Variants in CCDC144A observed in about 807,000 individuals in gnomAD.
CCDC144A encodes coiled-coil domain-containing protein 144A.
CCDC144A carries 41 observed loss-of-function variants against 143.8 expected under a neutral mutation model. The ratio of observed to expected loss-of-function variants is 0.29; its 90% CI spans 0.22 to 0.37. The LOEUF is 0.37. Ranked by LOEUF, CCDC144A falls within the 10% of genes least tolerant of loss-of-function variation. The pLI is 1.00. For synonymous variants in CCDC144A, 242 were observed against 517.9 expected, an observed-to-expected ratio of 0.47 and a Z score of 7.23; for missense variants, 637 against 1,488.8, an observed-to-expected ratio of 0.43 and a Z score of 9.41.
intron 12 of CCDC144A, among the ~76,000 whole-genome samples, chr17:16,756,803 G>T (rs1176463791): frequency 6.6e-6 from 1 of 151,910 alleles, no homozygotes; most frequent in Non-Finnish European, 1.5e-5. Flanking sequence ...TATCTATGTT[G>T]TTGGTTGAAT....
In CCDC144A at chr17:16,726,402, TA is replaced by T. The variant is rs201722672; in HGVS notation, c.1892-1115del. Among the ~76,000 whole-genome samples the T allele has an allele frequency of 4.8e-3, 670 of 138,576 alleles. 22 individuals carry two copies. The highest frequency in any genetic ancestry group is 0.014 in the African/African-American group (485 of 34,282). The allele number at this position is 138,576 out of a possible 152,430, so 90.9% of individuals were successfully genotyped here. ...TCTCAAAAAAAAAAAAAAAGAGAGA[TA>T]AAAAAAAAAGAAAAATCTTCCATGC... On this transcript the variant is annotated intron_variant, in intron 8 of 16. Transcript: ENST00000399273.
chr17:16,722,225 T>A (rs548261041), intron 8 of CCDC144A, among the ~76,000 whole-genome samples: 1 of 152,308 alleles, frequency 6.6e-6, no homozygotes, highest in East Asian at 1.9e-4. Context: ...TTTTTTAATG[T>A]GGTGAATACT....
In CCDC144A at chr17:16,773,757, G is replaced by A. The variant is rs1449291853; in HGVS notation, c.*124G>A. 11 of 1,199,984 alleles carry A rather than the reference G, an allele frequency of 9.2e-6. No homozygotes were observed. Among genetic ancestry groups the A allele is most frequent in the South Asian group, 6.8e-5 (3 of 44,094 alleles). The allele number at this position is 1,199,984 out of a possible 1,614,324, so 74.3% of individuals were successfully genotyped here. ...TACATGTCTGATGAAAATTTATATAGTATTTTAAATAATGTTTCTTGGCCT... is the reference window on the plus strand; with the variant it reads ...TACATGTCTGATGAAAATTTATATAATATTTTAAATAATGTTTCTTGGCCT... On this transcript the variant is annotated 3_prime_UTR_variant, in exon 17 of 17. Transcript: ENST00000399273.
chr17:16,670,065 C>A, the CCDC144A span, among the ~76,000 whole-genome samples: 1 of 151,700 alleles, frequency 6.6e-6, no homozygotes, highest in South Asian at 2.1e-4. Context: ...CCTGTAATCC[C>A]AGCTACTCTG....
chr17:16,761,341 A>G, intron 12 of CCDC144A, 84 bp from the exon 13 acceptor site: 1 of 1,497,650 alleles, frequency 6.7e-7, no homozygotes, highest in South Asian at 1.3e-5. Context: ...CTCAAAAAAA[A>G]AAAAAAAAAA....
intron 8 of CCDC144A, among the ~76,000 whole-genome samples, 198 bp downstream of exon 8, chr17:16,720,856 GTC>G (rs1356142893): frequency 6.6e-6 from 1 of 152,112 alleles, no homozygotes; most frequent in Non-Finnish European, 1.5e-5. Context: ...GGCATTCCCA[GTC>G]TTTTTGTTGA....
At chr17:16,719,566 A>G (rs1912968618) in intron 6 of CCDC144A, among the ~76,000 whole-genome samples, 1 of 152,210 alleles carries the variant, frequency 6.6e-6, no homozygotes, top group Admixed American at 6.5e-5. Flanking sequence ...TGGGTCTGCT[A>G]CTGACCAGCT....
intron 6 of CCDC144A, 127 bp from the exon 7 acceptor site, chr17:16,720,071 C>T: frequency 1.6e-6 from 2 of 1,231,006 alleles, no homozygotes; most frequent in Non-Finnish European, 2.2e-6. Context: ...AAAAAAATTA[C>T]CTATACACTT....
At chr17:16,771,228 T>C (rs1915814463) in intron 15 of CCDC144A, among the ~76,000 whole-genome samples, 1 of 152,262 alleles carries the variant, frequency 6.6e-6, no homozygotes, top group Admixed American at 6.5e-5. Flanking sequence ...AAATGGGTAC[T>C]AATTTCTGAA....
chr17:16,691,027 A>G (rs998568237), intron 1 of CCDC144A, among the ~76,000 whole-genome samples: 8 of 152,202 alleles, frequency 5.3e-5, no homozygotes, highest in East Asian at 1.9e-4. Context: ...GACATATTCT[A>G]CTGTCGCTCA....
At chr17:16,749,397 T>G (rs1914682388) in intron 12 of CCDC144A, among the ~76,000 whole-genome samples, 1 of 152,224 alleles carries the variant, frequency 6.6e-6, no homozygotes, top group Non-Finnish European at 1.5e-5. Flanking sequence ...TGTGTGGTTT[T>G]CAGAGATCTT....
chr17:16,682,896 T>G, the CCDC144A span, among the ~76,000 whole-genome samples: 142 of 111,782 alleles, frequency 1.3e-3, no homozygotes, highest in African/African-American at 4.2e-3. Flanking sequence ...TTTTTTTTTT[T>G]TTTTTTTTTT....
intron 12 of CCDC144A, among the ~76,000 whole-genome samples, chr17:16,755,776 GT>G (rs1446351075): frequency 1.2e-4 from 19 of 152,204 alleles, no homozygotes; most frequent in Non-Finnish European, 2.5e-4. Flanking sequence ...GCCCAGGCTG[GT>G]CTTGAACTCC....
At chr17:16,770,086 A>G (rs1279393354) in intron 15 of CCDC144A, among the ~76,000 whole-genome samples, 1 of 151,726 alleles carries the variant, frequency 6.6e-6, no homozygotes, top group Non-Finnish European at 1.5e-5. Flanking sequence ...TCAGCCTCCC[A>G]AAGTGCTGAG....
chr17:16,752,292 G>A (rs1335564007), intron 12 of CCDC144A, among the ~76,000 whole-genome samples: 1 of 152,172 alleles, frequency 6.6e-6, no homozygotes, highest in Non-Finnish European at 1.5e-5. Flanking sequence ...GATCTGAGGT[G>A]GAACAGTTCC....
chr17:16,702,628 C>T (rs1261708292), intron 2 of CCDC144A, among the ~76,000 whole-genome samples: 1 of 152,128 alleles, frequency 6.6e-6, no homozygotes, highest in South Asian at 2.1e-4. Flanking sequence ...TGTTCCAAGA[C>T]CCCCAGTGAA....
chr17:16,713,614 T>C (rs1357785069), intron 6 of CCDC144A, among the ~76,000 whole-genome samples: 1 of 152,212 alleles, frequency 6.6e-6, no homozygotes, highest in African/African-American at 2.4e-5. Context: ...TTGGTCTTTA[T>C]GTATAAGCAT....
chr17:16,717,900 A>G (rs1378683346), intron 6 of CCDC144A, among the ~76,000 whole-genome samples: 1 of 152,238 alleles, frequency 6.6e-6, no homozygotes, highest in African/African-American at 2.4e-5. Flanking sequence ...AAAATAAAAA[A>G]TGTACCTCAA....
chr17:16,755,775 G>C (rs540432994), intron 12 of CCDC144A, among the ~76,000 whole-genome samples: 5 of 152,260 alleles, frequency 3.3e-5, no homozygotes, highest in South Asian at 4.1e-4. Flanking sequence ...TGCCCAGGCT[G>C]GTCTTGAACT....
Sources: gnomAD v4.1 joint callset for allele counts (sites outside exome capture counted in the v4.1 genomes callset) on GRCh38, gnomAD v4.1.1 for gene constraint, MANE v1.5 for transcripts, NCBI Gene and HGNC (gene_info 2026-07-23, HGNC 2026-07-21) for gene names.